The following ITGAE variants were observed in gnomAD, a reference collection of about 807,000 sequenced individuals.
The protein encoded by ITGAE is integrin alpha-E.
ITGAE carries 99 observed loss-of-function variants against 136.5 expected under a neutral mutation model. That is an observed-to-expected ratio of 0.73 (90% CI 0.62 to 0.86). ITGAE has a LOEUF of 0.86. ITGAE is among the 40% of genes least tolerant of loss of function. The probability of loss-of-function intolerance (pLI) is 0.00; values close to 1 mark genes in which losing one functional copy is unlikely to be tolerated. For missense variants in ITGAE, 1,447 were observed against 1,515.3 expected, an observed-to-expected ratio of 0.95 and a Z score of 0.75; for synonymous variants, 613 against 591.8, an observed-to-expected ratio of 1.04 and a Z score of -0.52.
At chr17:3,724,543 G>A (rs1283000892) in intron 26 of ITGAE, 1 of 1,614,130 alleles carries the variant, frequency 6.2e-7, no homozygotes, top group Non-Finnish European at 8.5e-7. Flanking sequence ...GCCGTCCCGA[G>A]CGGCCTCCAC....
rs778730546 is a variant in ITGAE, at chr17:3,731,136, G to C, written c.2802C>G (p.Asn934Lys). The change falls in exon 23 of 31, where the codon AAC (asparagine) becomes AAG (lysine). Residue 934 changes from asparagine (N) to lysine (K), a missense_variant. Transcript: ENST00000263087. ...VWQLEENAFP[N>K]RTADITVTVT... ...CAGTCACAGTGATGTCTGCTGTCCT[G>C]TTTGGAAAGGCATTCTCCTCTAGCT... The C allele has an allele frequency of 6.2e-7, 1 of 1,613,672 alleles. No individual in the cohort carries two copies. The highest frequency in any genetic ancestry group is 2.2e-5 in the East Asian group (1 of 44,854).
chr17:3,789,029 T>C (rs2052873480), intron 1 of ITGAE, among the ~76,000 whole-genome samples: 1 of 151,886 alleles, frequency 6.6e-6, no homozygotes, highest in African/African-American at 2.4e-5. Flanking sequence ...GAGGATCACT[T>C]ACACTCGGGA....
intron 16 of ITGAE, among the ~76,000 whole-genome samples, chr17:3,749,036 G>A (rs1242235222): frequency 1.3e-5 from 2 of 152,236 alleles, no homozygotes; most frequent in Non-Finnish European, 2.9e-5. Flanking sequence ...TGTGGCAGCA[G>A]TGTCCAGGGA....
intron 2 of ITGAE, among the ~76,000 whole-genome samples, chr17:3,766,369 G>A (rs1403872240): frequency 6.6e-6 from 1 of 152,148 alleles, no homozygotes; most frequent in East Asian, 1.9e-4. Flanking sequence ...TAAGGAGGAG[G>A]AGGAGCCCGT....
At chr17:3,768,900 C>CA (rs1160107841) in intron 2 of ITGAE, among the ~76,000 whole-genome samples, 2 of 152,204 alleles carry the variant, frequency 1.3e-5, no homozygotes, top group Admixed American at 6.5e-5. Flanking sequence ...GACTATTGAA[C>CA]AACAGCCCAG....
chr17:3,729,494 C>T lies in ITGAE; in HGVS notation c.2896G>A (p.Val966Ile), dbSNP rs780354910. Residue 966 changes from valine (V) to isoleucine (I), a missense_variant, in exon 24 of 31, where the codon GTT (valine) becomes ATT (isoleucine). By Grantham distance (29) the Val-to-Ile change is conservative. Transcript: ENST00000263087. ...THTLQFRHGF[V>I]AVLSKPSIMY... ...AGTACTCACTTGGACAGAACTGCAACGAAGCCATGCCTGAATTGAAGGGTG... is the reference window on the plus strand; with the variant it reads ...AGTACTCACTTGGACAGAACTGCAATGAAGCCATGCCTGAATTGAAGGGTG... The T allele has an allele frequency of 4.3e-6, 7 of 1,610,920 alleles. No homozygotes were observed. In the East Asian group the frequency reaches 1.1e-4, roughly 26 times the overall value.
At chr17:3,796,695 A>G (rs2053113218) in intron 1 of ITGAE, among the ~76,000 whole-genome samples, 1 of 150,970 alleles carries the variant, frequency 6.6e-6, no homozygotes, top group African/African-American at 2.4e-5. Context: ...GTCCCCAGCC[A>G]CGGAGGCCTG....
intron 1 of ITGAE, among the ~76,000 whole-genome samples, chr17:3,794,978 G>C (rs574664204): frequency 1.4e-4 from 21 of 152,224 alleles, no homozygotes; most frequent in Admixed American, 4.6e-4. Flanking sequence ...TCCAGGCCTC[G>C]ACACAGCGGC....
intron 26 of ITGAE, 93 bp downstream of exon 26, chr17:3,727,826 T>G (rs1447505094): frequency 6.0e-6 from 5 of 837,058 alleles, no homozygotes; most frequent in Non-Finnish European, 1.0e-5. Context: ...TTAACTTGTC[T>G]TCACTCTGTT....
Position 3,779,653 on chromosome 17 carries a change from A to G in ITGAE, c.35-1993T>C, listed in dbSNP as rs543857161. On this transcript the variant is annotated intron_variant, in intron 1 of 30. Coordinates refer to ENST00000263087, the MANE Select transcript of ITGAE (RefSeq NM_002208.5). ...GTGCAATTTACTTTAAAATGCATCA[A>G]AATATAAGATGGCTTGCTGGATGGG... 4.6e-5 allele frequency among the ~76,000 whole-genome samples: 7 copies of G among 152,300 alleles called. No individual in the cohort carries two copies. The South Asian group carries it at 1.0e-3, about 23-fold the overall frequency.
intron 26 of ITGAE, chr17:3,724,894 A>G: frequency 6.2e-7 from 1 of 1,613,576 alleles, no homozygotes; most frequent in Non-Finnish European, 8.5e-7. Flanking sequence ...AGTGTTCCCA[A>G]GGGCCGCATT....
intron 15 of ITGAE, among the ~76,000 whole-genome samples, chr17:3,751,145 A>T (rs1171704740): frequency 6.6e-6 from 1 of 151,850 alleles, no homozygotes; most frequent in Non-Finnish European, 1.5e-5. Flanking sequence ...GTGCTCTCAG[A>T]TGGGCCGTGT....
At chr17:3,796,017 G>A (rs951769187) in intron 1 of ITGAE, among the ~76,000 whole-genome samples, 4 of 136,734 alleles carry the variant, frequency 2.9e-5, no homozygotes, top group Admixed American at 1.5e-4. Flanking sequence ...GTGCATCCAT[G>A]TGCGCGTGTG....
Position 3,750,461 on chromosome 17 carries a change from C to A in ITGAE, c.1915G>T (p.Ala639Ser). 8 of 1,614,096 alleles carry A rather than the reference C, an allele frequency of 5.0e-6. No homozygotes were observed. The highest frequency in any genetic ancestry group is 6.8e-6 in the Non-Finnish European group (8 of 1,180,012). Reference protein sequence around the residue: ...PSQRIRASTVAPGLQYFGMSM... With the variant: ...PSQRIRASTVSPGLQYFGMSM... ...ATGCCGAAGTACTGGAGTCCTGGGGCCACCGTGGAGGCTCTGATCCGCTGT... is the reference window on the plus strand; with the variant it reads ...ATGCCGAAGTACTGGAGTCCTGGGGACACCGTGGAGGCTCTGATCCGCTGT... The change falls in exon 16 of 31, where the codon GCC (alanine) becomes TCC (serine). Residue 639 changes from alanine (A) to serine (S), a missense_variant. By Grantham distance (99) the Ala-to-Ser change is moderately conservative. Transcript: ENST00000263087.
chr17:3,730,678 C>T lies in ITGAE; in HGVS notation c.2834+426G>A, dbSNP rs80037039. 3.5e-4 allele frequency among the ~76,000 whole-genome samples: 53 copies of T among 152,176 alleles called. No homozygotes were observed. The East Asian group carries it at 0.01, about 29-fold the overall frequency. ...TCTACCCACCAGATGTCCTACTGAA[C>T]ACCCCCCTCCCCAAGTCATGGCAAT... is the stretch of plus-strand genomic sequence containing the variant. On this transcript the variant is annotated intron_variant, in intron 23 of 30. Transcript: ENST00000263087.
chr17:3,729,355 G>T (rs138406613), intron 24 of ITGAE, 123 bp downstream of exon 24: 1 of 742,294 alleles, frequency 1.3e-6, no homozygotes, highest in East Asian at 2.5e-5. Flanking sequence ...TTCTAAGCAG[G>T]CTCCTCTCAG....
intron 13 of ITGAE, 74 bp from the exon 14 acceptor site, chr17:3,753,504 G>C: frequency 1.3e-6 from 2 of 1,545,076 alleles, no homozygotes; most frequent in Non-Finnish European, 1.8e-6. Context: ...ACCCCTGCCC[G>C]CGTGCTTCCT....
At chr17:3,797,140 AAT>A (rs10538298) in intron 1 of ITGAE, among the ~76,000 whole-genome samples, 2,802 of 70,940 alleles carry the variant, frequency 0.039, 61 homozygotes, top group South Asian at 0.098. Context: ...CTGGAAACTA[AAT>A]ATATATATAT....
intron 26 of ITGAE, chr17:3,724,310 G>A: frequency 1.3e-6 from 2 of 1,588,588 alleles, no homozygotes; most frequent in Non-Finnish European, 8.5e-7. Flanking sequence ...CCCCGCAGAA[G>A]TGCAGCACAC....
Sources: allele counts gnomAD v4.1 joint callset (sites outside exome capture counted in the v4.1 genomes callset), GRCh38; gene constraint gnomAD v4.1.1; transcripts MANE v1.5; gene names NCBI Gene and HGNC (gene_info 2026-07-23, HGNC 2026-07-21).